Variants in DCP1A observed in about 807,000 individuals in gnomAD.
DCP1A encodes mRNA-decapping enzyme 1A.
A neutral mutation model predicts 58.0 loss-of-function variants in DCP1A; 20 were observed. The ratio of observed to expected loss-of-function variants is 0.34; its 90% CI spans 0.24 to 0.50. DCP1A has a LOEUF of 0.50. DCP1A is among the 20% of genes least tolerant of loss of function. The pLI, the probability that DCP1A is intolerant of heterozygous loss-of-function variation, is 0.98. For synonymous variants in DCP1A, 285 were observed against 275.1 expected, an observed-to-expected ratio of 1.04 and a Z score of -0.36; for missense variants, 613 against 712.2, an observed-to-expected ratio of 0.86 and a Z score of 1.59.
intron 2 of DCP1A, among the ~76,000 whole-genome samples, chr3:53,343,313 T>A (rs928106699): frequency 7.2e-5 from 11 of 152,242 alleles, no homozygotes; most frequent in African/African-American, 2.7e-4. Flanking sequence ...TCTGACATCC[T>A]GGTATACCTT....
rs548700680 is a variant in DCP1A at position 53,325,766 on chromosome 3, C to T, written c.305-6293G>A. Among the ~76,000 whole-genome samples, 5 of 152,120 alleles carry T rather than the reference C, an allele frequency of 3.3e-5. No individual in the cohort carries two copies. The South Asian group carries it at 1.0e-3, about 32-fold the overall frequency. On this transcript the variant is annotated intron_variant, in intron 3 of 9. Transcript: ENST00000610213. ...GGAAAGAGTGAGAAGACAAGAAAGG[C>T]TCTAGGATAGAGGGGCAGAAAACAC...
At chr3:53,322,103 C>A (rs1553690033) in intron 3 of DCP1A, among the ~76,000 whole-genome samples, 2 of 152,084 alleles carry the variant, frequency 1.3e-5, no homozygotes, top group Non-Finnish European at 2.9e-5. Context: ...ATTTGTTTCA[C>A]CCTGAATTAA....
chr3:53,314,533 G>A lies in DCP1A; in HGVS notation c.372-2154C>T, dbSNP rs79567818. On this transcript the variant is annotated intron_variant, in intron 4 of 9. Transcript: ENST00000610213. ...CATCTTCATAAAGGATCTGTCACAC[G>A]GCCTGTTTTCCACCTACCTCCTGAC... Among the ~76,000 whole-genome samples, 2,036 of 152,132 alleles carry A rather than the reference G, an allele frequency of 0.013. 118 individuals carry two copies. In the South Asian group the frequency reaches 0.14, roughly 11 times the overall value.
chr3:53,326,188 A>T (rs1278794873), intron 3 of DCP1A, among the ~76,000 whole-genome samples: 1 of 152,196 alleles, frequency 6.6e-6, no homozygotes, highest in Non-Finnish European at 1.5e-5. Context: ...TCCTTCCACA[A>T]TCCCATTAAC....
chr3:53,287,262 C>G lies in DCP1A; in HGVS notation c.*318G>C, dbSNP rs1553685219. Reference sequence around the variant, plus strand: ...GTAAGTCCTTGAAAGTGAAAGCAAGCTGAGAATCTGACTCCTTATTCCACA... The same window carrying G: ...GTAAGTCCTTGAAAGTGAAAGCAAGGTGAGAATCTGACTCCTTATTCCACA... On this transcript the variant is annotated 3_prime_UTR_variant, in exon 10 of 10. Coordinates refer to ENST00000610213, the MANE Select transcript of DCP1A (RefSeq NM_018403.7). 1 of 225,380 alleles carries G rather than the reference C, an allele frequency of 4.4e-6. No homozygotes were observed. Among genetic ancestry groups the G allele is most frequent in the Non-Finnish European group, 8.6e-6 (1 of 115,954 alleles). 14.0% of individuals were successfully genotyped at this position (225,380 alleles called of 1,614,324 possible).
chr3:53,290,572 C>T lies in DCP1A; in HGVS notation c.1449+219G>A. On this transcript the variant is annotated intron_variant, in intron 8 of 9. Transcript: ENST00000610213. ...TCCATAGCTAACTCTTTTCACTAAG[C>T]TGACAACCTTTTACTTCACATCCAG... 11 of 642,444 alleles carry T rather than the reference C, an allele frequency of 1.7e-5. No homozygotes were observed. The South Asian group carries it at 1.8e-4, about 10-fold the overall frequency. The allele number at this position is 642,444 out of a possible 1,614,324, so 39.8% of individuals were successfully genotyped here. A position where few individuals can be genotyped will look rare whatever the true frequency, so the allele number is the denominator to read the frequency against.
At chr3:53,304,469 A>AT (rs1187529280) in intron 5 of DCP1A, among the ~76,000 whole-genome samples, 179 bp from the exon 6 acceptor site, 3 of 152,200 alleles carry the variant, frequency 2.0e-5, no homozygotes, top group Non-Finnish European at 4.4e-5. Context: ...TTTCTAGAAC[A>AT]TTGAGCACCT....
chr3:53,290,939 T>C (rs1476082918), intron 7 of DCP1A, 83 bp from the exon 8 acceptor site: 4 of 1,234,112 alleles, frequency 3.2e-6, no homozygotes, highest in Non-Finnish European at 3.5e-6. Flanking sequence ...AAAAAGACTT[T>C]CCCAGTGGAA....
chr3:53,305,815 T>C (rs1294976350), intron 5 of DCP1A, among the ~76,000 whole-genome samples: 2 of 152,232 alleles, frequency 1.3e-5, no homozygotes, highest in African/African-American at 4.8e-5. Flanking sequence ...TTTTGTCGCA[T>C]ATGGACATCT....
intron 6 of DCP1A, among the ~76,000 whole-genome samples, chr3:53,300,687 G>A (rs1707285079): frequency 2.0e-5 from 3 of 151,870 alleles, no homozygotes; most frequent in South Asian, 2.1e-4. Flanking sequence ...TCCCTTGGTC[G>A]CCCAGGCTGG....
chr3:53,347,400 G>C lies in DCP1A; in HGVS notation c.118C>G (p.Pro40Ala). 1.2e-6 allele frequency: 2 copies of C among 1,608,638 alleles called. No individual in the cohort carries two copies. The highest frequency in any genetic ancestry group is 1.7e-6 in the Non-Finnish European group (2 of 1,177,244). The change falls in exon 1 of 10, where the codon CCC (proline) becomes GCC (alanine). Residue 40 changes from proline (P) to alanine (A), a missense_variant. By Grantham distance (27) the Pro-to-Ala change is conservative (BLOSUM62 -1). This residue lies in a region of DCP1A where 65 missense variants were observed against 118.5 expected (regional missense o/e 0.55). Coordinates refer to ENST00000610213, the MANE Select transcript of DCP1A (RefSeq NM_018403.7). ...TGQVALYTFC[P>A]KANQWEKTDI... The stretch of plus-strand genomic sequence containing the variant: ...GCACTCACCCACTGGTTGGCCTTGG[G>C]GCAGAAGGTGTACAGAGCGACCTGG...
intron 5 of DCP1A, among the ~76,000 whole-genome samples, chr3:53,308,402 C>T (rs1707539124): frequency 6.6e-6 from 1 of 151,986 alleles, no homozygotes; most frequent in Non-Finnish European, 1.5e-5. Flanking sequence ...TCGTGATCTT[C>T]CCACCTCAGC....
At chr3:53,343,489 A>G (rs2089245219) in intron 2 of DCP1A, among the ~76,000 whole-genome samples, 1 of 152,248 alleles carries the variant, frequency 6.6e-6, no homozygotes, top group Admixed American at 6.5e-5. Context: ...TGATAACAAT[A>G]AAGCCAGTAA....
At chr3:53,314,667 C>CT (rs1167830951) in intron 4 of DCP1A, among the ~76,000 whole-genome samples, 14,443 of 86,594 alleles carry the variant, frequency 0.17, 1,493 homozygotes, top group Non-Finnish European at 0.2. Context: ...TTTTCTTTTT[C>CT]TTTTTTTTTT....
intron 5 of DCP1A, among the ~76,000 whole-genome samples, chr3:53,306,931 CT>C (rs1159787111): frequency 0.12 from 12,432 of 101,542 alleles, 231 homozygotes; most frequent in African/African-American, 0.17. Flanking sequence ...CCAGGCTGTT[CT>C]TTTTTTTTTT....
chr3:53,345,174 T>C (rs1181339306), intron 1 of DCP1A, among the ~76,000 whole-genome samples: 1 of 152,168 alleles, frequency 6.6e-6, no homozygotes, highest in East Asian at 1.9e-4. Context: ...CAGCAACATA[T>C]CTGTATCTGC....
intron 5 of DCP1A, among the ~76,000 whole-genome samples, chr3:53,309,590 C>CT (rs1359450740): frequency 9.2e-5 from 14 of 152,222 alleles, no homozygotes; most frequent in African/African-American, 2.6e-4. Context: ...TAGTGAGACT[C>CT]TATCTCTACA....
chr3:53,341,690 G>A lies in DCP1A; in HGVS notation c.304+454C>T, dbSNP rs577141146. 3.8e-4 allele frequency among the ~76,000 whole-genome samples: 58 copies of A among 152,092 alleles called. 1 individual carries two copies. Among genetic ancestry groups the A allele is most frequent in the South Asian group, 1.0e-3 (5 of 4,830 alleles). On this transcript the variant is annotated intron_variant, in intron 3 of 9. Transcript: ENST00000610213. ...AATTATATACAAAAGAATGTTTCCA[G>A]TTTCAGAGCCCAGTTTATTTATTTA...
rs1316016119 is a variant in DCP1A, at chr3:53,286,430, A to C, written c.*1150T>G. ...AAAATCTACATTAAAATATTACTAAACACCATTACATGCCATAAAAGAATA... is the reference window on the plus strand; with the variant it reads ...AAAATCTACATTAAAATATTACTAACCACCATTACATGCCATAAAAGAATA... On this transcript the variant is annotated 3_prime_UTR_variant, in exon 10 of 10. Coordinates refer to ENST00000610213, the MANE Select transcript of DCP1A (RefSeq NM_018403.7). 1.3e-5 allele frequency: 2 copies of C among 152,230 alleles called. No homozygotes were observed. The highest frequency in any genetic ancestry group is 4.8e-5 in the African/African-American group (2 of 41,458). The allele number at this position is 152,230 out of a possible 1,614,324, so 9.4% of individuals were successfully genotyped here.
Sources: allele counts gnomAD v4.1 joint callset (sites outside exome capture counted in the v4.1 genomes callset), GRCh38; gene constraint gnomAD v4.1.1; regional missense constraint gnomAD v4.1.1; transcripts MANE v1.5; gene names NCBI Gene and HGNC (gene_info 2026-07-23, HGNC 2026-07-21).